The following FMN2 variants were observed in gnomAD, a reference collection of about 807,000 sequenced individuals.
FMN2 encodes the protein formin 2, also known as formin-2.
A neutral mutation model predicts 142.3 loss-of-function variants in FMN2; 51 were observed. That is an observed-to-expected ratio of 0.36 (90% CI 0.29 to 0.45). FMN2 has a LOEUF of 0.45. Among genes scored for constraint, FMN2 ranks in the 20% least tolerant of loss-of-function variants. The probability of loss-of-function intolerance (pLI) is 1.00; values close to 1 mark genes in which losing one functional copy is unlikely to be tolerated. For synonymous variants in FMN2, 882 were observed against 869.8 expected (o/e 1.01, Z -0.25); for missense variants, 1,936 against 2,122.8 (o/e 0.91, Z 1.73).
chr1:240,296,462 T>TTTTA (rs869187647), intron 8 of FMN2, among the ~76,000 whole-genome samples: 1 of 135,806 alleles, frequency 7.4e-6, no homozygotes, highest in African/African-American at 2.9e-5. Flanking sequence ...TTTTTTTTTT[T>TTTTA]ACTTTATTTC....
At chr1:240,361,381 G>A (rs761038960) in intron 14 of FMN2, among the ~76,000 whole-genome samples, 12 of 151,924 alleles carry the variant, frequency 7.9e-5, no homozygotes, top group Non-Finnish European at 1.3e-4. Flanking sequence ...TCAAGGGATC[G>A]GTGGAGGCAG....
Position 240,211,136 on chromosome 1 carries a change from C to T in FMN2, c.3966C>T (p.Ser1322=). The T allele has an allele frequency of 6.2e-7, 1 of 1,613,422 alleles. No homozygotes were observed. The highest frequency in any genetic ancestry group is 1.1e-5 in the South Asian group (1 of 91,024). ...TTTGGGAAAAAATTGAAGAGCCATC[C>T]ATAGATTGTCATGAATTTGAGGAAT... The part of the protein sequence containing the change: ...SLIWEKIEEP[S]IDCHEFEELF... The change falls in exon 6 of 18, where the codon TCC becomes TCT. Residue 1322 remains serine, a synonymous_variant. Coordinates refer to ENST00000319653, the MANE Select transcript of FMN2 (RefSeq NM_020066.5).
intron 2 of FMN2, among the ~76,000 whole-genome samples, chr1:240,128,959 C>T (rs1277193659): frequency 1.8e-4 from 28 of 152,138 alleles, no homozygotes; most frequent in Non-Finnish European, 2.4e-4. Flanking sequence ...CTGCAACCTC[C>T]GCCTCTTGGG....
chr1:240,141,392 T>A (rs946976728), intron 2 of FMN2, among the ~76,000 whole-genome samples: 1 of 152,108 alleles, frequency 6.6e-6, no homozygotes, highest in African/African-American at 2.4e-5. Flanking sequence ...CACTCTGTCA[T>A]CCAGTTTGGA....
At chr1:240,252,441 A>T (rs1444044651) in intron 6 of FMN2, among the ~76,000 whole-genome samples, 1 of 152,114 alleles carries the variant, frequency 6.6e-6, no homozygotes, top group Non-Finnish European at 1.5e-5. Context: ...TTGTAGGCCC[A>T]GTCTTTTGGT....
chr1:240,143,003 G>A, intron 2 of FMN2: 1 of 1,540,472 alleles, frequency 6.5e-7, no homozygotes, highest in Non-Finnish European at 9.0e-7. Flanking sequence ...GAGGCACGGT[G>A]AGCAGCCCAG....
chr1:240,415,396 C>T (rs938330961), intron 15 of FMN2, among the ~76,000 whole-genome samples: 3 of 151,890 alleles, frequency 2.0e-5, no homozygotes, highest in African/African-American at 4.8e-5. Flanking sequence ...AGGGTGGGGG[C>T]CTGGGGGAGG....
intron 15 of FMN2, among the ~76,000 whole-genome samples, chr1:240,414,648 G>A (rs1674518741): frequency 6.6e-6 from 1 of 152,128 alleles, no homozygotes; most frequent in Admixed American, 6.5e-5. Context: ...AGCAACAGAT[G>A]TTAAAATACT....
At position 240,426,961 on chromosome 1, in the gene FMN2, A is replaced by T. The variant is rs560053475; in HGVS notation, c.4911-11100A>T. Among the ~76,000 whole-genome samples the T allele has an allele frequency of 2.7e-5, 4 of 150,826 alleles. No homozygotes were observed. The East Asian group carries it at 7.9e-4, about 30-fold the overall frequency. On this transcript the variant is annotated intron_variant, in intron 15 of 17. Transcript: ENST00000319653. ...ACTATCTTGGCCAGGCTGGTCTTGA[A>T]CTCCTGACCTCTGGTGATCCACCCG...
intron 8 of FMN2, among the ~76,000 whole-genome samples, chr1:240,320,422 A>G (rs573655432): frequency 6.6e-6 from 1 of 152,354 alleles, no homozygotes. Flanking sequence ...TTCCATGTAA[A>G]TGGCAAAGAA....
intron 7 of FMN2, among the ~76,000 whole-genome samples, chr1:240,284,075 C>T (rs78588768): frequency 0.08 from 12,209 of 152,104 alleles, 1,660 homozygotes; most frequent in African/African-American, 0.28. Context: ...CATGTGAAGA[C>T]CACTTAAAAA....
At chr1:240,104,521 G>A (rs1255078825) in intron 1 of FMN2, among the ~76,000 whole-genome samples, 1 of 152,028 alleles carries the variant, frequency 6.6e-6, no homozygotes, top group Non-Finnish European at 1.5e-5. Context: ...TTCCCATTCC[G>A]AAGCCTCTAG....
intron 7 of FMN2, 148 bp from the exon 8 acceptor site, chr1:240,294,674 C>T (rs1023429794): frequency 1.2e-5 from 8 of 656,720 alleles, no homozygotes; most frequent in Middle Eastern, 4.0e-4. Flanking sequence ...ATTCCTGGTG[C>T]AGGCTTTGCA....
chr1:240,392,789 T>A (rs1673648359), intron 15 of FMN2, among the ~76,000 whole-genome samples: 1 of 152,168 alleles, frequency 6.6e-6, no homozygotes, highest in African/African-American at 2.4e-5. Context: ...TAGCTTAGCA[T>A]CTTCTCTTTT....
chr1:240,158,065 A>G (rs2103285993), intron 2 of FMN2, among the ~76,000 whole-genome samples: 1 of 151,928 alleles, frequency 6.6e-6, no homozygotes, highest in Non-Finnish European at 1.5e-5. Context: ...CAGGATTTAA[A>G]ATTAATTTTT....
intron 14 of FMN2, among the ~76,000 whole-genome samples, chr1:240,385,056 T>A (rs1673364558): frequency 6.6e-6 from 1 of 152,222 alleles, no homozygotes; most frequent in Non-Finnish European, 1.5e-5. Flanking sequence ...TGAAATATTG[T>A]AATGTTAAAT....
intron 13 of FMN2, among the ~76,000 whole-genome samples, chr1:240,350,611 G>A (rs1262885814): frequency 6.6e-6 from 1 of 152,204 alleles, no homozygotes; most frequent in African/African-American, 2.4e-5. Flanking sequence ...TTCCAGTTGA[G>A]GCTGAGATAA....
chr1:240,378,587 A>G (rs1025941717), intron 14 of FMN2, among the ~76,000 whole-genome samples: 9 of 152,198 alleles, frequency 5.9e-5, no homozygotes, highest in African/African-American at 1.9e-4. Context: ...CTGGGACTAA[A>G]ATGATACATT....
At chr1:240,238,585 A>G (rs1667785051) in intron 6 of FMN2, among the ~76,000 whole-genome samples, 1 of 152,216 alleles carries the variant, frequency 6.6e-6, no homozygotes, top group Non-Finnish European at 1.5e-5. Flanking sequence ...ATAACAAGAT[A>G]AATTTTTAAG....
Sources: gnomAD v4.1 joint callset for allele counts (sites outside exome capture counted in the v4.1 genomes callset) on GRCh38, gnomAD v4.1.1 for gene constraint, MANE v1.5 for transcripts, NCBI Gene and HGNC (gene_info 2026-07-23, HGNC 2026-07-21) for gene names.